PLA2G6: variants seen among roughly 807,000 people sequenced by gnomAD.
The protein encoded by PLA2G6 is phospholipase A2 group VI, also known as 85/88 kDa calcium-independent phospholipase A2.
A neutral mutation model predicts 83.8 loss-of-function variants in PLA2G6; 62 were observed. The observed-to-expected ratio is 0.74, with a 90% confidence interval of 0.60 to 0.91. The LOEUF is 0.91. Among genes scored for constraint, PLA2G6 ranks in the 40% least tolerant of loss-of-function variants. The pLI is 0.00. For synonymous variants in PLA2G6, 417 were observed against 449.8 expected (o/e 0.93, Z 0.92); for missense variants, 944 against 1,102.0 (o/e 0.86, Z 2.03).
Position 38,120,805 on chromosome 22 carries a change from G to T in PLA2G6, c.1696C>A (p.Arg566=). 2.5e-6 allele frequency: 4 copies of T among 1,613,868 alleles called. No individual in the cohort carries two copies. The highest frequency in any genetic ancestry group is 3.4e-6 in the Non-Finnish European group (4 of 1,180,022). The part of the protein sequence containing the change: ...ESGPLEEFLK[R]EFGEHTKMTD... ...ATCTTGGTGTGCTCCCCAAACTCCC[G>T]CTTCAGGAACTCCTCCAGGGGCCCC... The change falls in exon 12 of 17, where the codon CGG becomes AGG. Residue 566 remains arginine, a synonymous_variant. Transcript: ENST00000332509.
intron 4 of PLA2G6, chr22:38,142,137 G>C (rs939509053): frequency 7.3e-6 from 1 of 136,884 alleles, no homozygotes; most frequent in Non-Finnish European, 1.5e-5. Context: ...GGAGGTTGCA[G>C]TGAGCCGAGA....
rs1357166331 is a variant in PLA2G6, at chr22:38,120,978, C to CA, written c.1592-70dup. 5.7e-6 allele frequency: 9 copies of CA among 1,582,782 alleles called. No homozygotes were observed. In the East Asian group the frequency reaches 2.0e-4, roughly 35 times the overall value. On this transcript the variant is annotated intron_variant, in intron 11 of 16. Transcript: ENST00000332509. The stretch of plus-strand genomic sequence containing the variant: ...CGCAGGGCTCCCGTAGAACAGCCTG[C>CA]AGAGCGCCTGAACGCAGGAGGTGGC...
Position 38,145,659 on chromosome 22 carries a change from G to A in PLA2G6, c.210-6C>T, listed in dbSNP as rs1412198958. On this transcript the variant is annotated splice_region_variant and splice_polypyrimidine_tract_variant and intron_variant, in intron 2 of 16. Transcript: ENST00000332509. ...CCAACTCCAGCTGGAAGAGTCTGTA[G>A]AGCCAGGACAGAGGAGCAAGACCCG... 4 of 1,603,458 alleles carry A rather than the reference G, an allele frequency of 2.5e-6. No individual in the cohort carries two copies. Among genetic ancestry groups the A allele is most frequent in the African/African-American group, 1.3e-5 (1 of 74,688 alleles).
intron 2 of PLA2G6, among the ~76,000 whole-genome samples, chr22:38,157,002 T>C (rs1474088030): frequency 6.6e-6 from 1 of 152,152 alleles, no homozygotes; most frequent in Non-Finnish European, 1.5e-5. Context: ...AAGTTGTACC[T>C]ATAAGCACCT....
rs2145683127 is a variant in PLA2G6 at position 38,115,668 on chromosome 22, C to T, written c.1893G>A (p.Trp631Ter). The T allele has an allele frequency of 3.1e-6, 5 of 1,600,860 alleles. No individual in the cohort carries two copies. The highest frequency in any genetic ancestry group is 4.3e-6 in the Non-Finnish European group (5 of 1,174,938). Residue 631 changes from tryptophan (W) to a stop codon, truncating the protein, a stop_gained, in exon 14 of 17, where the codon TGG becomes TGA. Transcript: ENST00000332509. LOFTEE classifies it high-confidence loss of function. The part of the protein sequence containing the change: ...PPAQPSDQLV[W>*]RAARSSGAAP... ...CTGCCCCGCTGCTTCGGGCCGCCCG[C>T]CACACCAGCTGGTCTAGGGGCGGGG...
At chr22:38,141,750 T>A (rs576689523) in intron 4 of PLA2G6, 1 of 151,862 alleles carries the variant, frequency 6.6e-6, no homozygotes, top group Non-Finnish European at 1.5e-5. Flanking sequence ...CAGTCGTGCA[T>A]GACTATCGAG....
chr22:38,159,538 G>A (rs1437957052), intron 2 of PLA2G6, among the ~76,000 whole-genome samples: 2 of 152,094 alleles, frequency 1.3e-5, no homozygotes, highest in Non-Finnish European at 2.9e-5. Context: ...AGACCAGCCT[G>A]GGTAACTTGA....
rs2087998127 is a variant in PLA2G6, at chr22:38,128,361, T to C, written c.1256A>G (p.His419Arg). 3.7e-6 allele frequency: 6 copies of C among 1,613,462 alleles called. No homozygotes were observed. In the East Asian group the frequency reaches 1.3e-4, roughly 36 times the overall value. The change falls in exon 9 of 17, where the codon CAC (histidine) becomes CGC (arginine). Residue 419 changes from histidine (H) to arginine (R), a missense_variant. Physicochemically the swap from His to Arg is conservative, Grantham distance 29 (BLOSUM62 0). Transcript: ENST00000332509. This position sits in a 1 kb window ranked among gnomAD's most constrained non-coding sequence, Gnocchi z 4.4. ...AGAGCCCTGCTCCGCGGGGACCCCG[T>C]GGATGGGTGGGAAGCAGTATTCGGC... ...VGAEYCFPPI[H>R]GVPAEQGSAA...
In PLA2G6 at chr22:38,111,907, C is replaced by T; in HGVS notation, c.*254G>A. On this transcript the variant is annotated 3_prime_UTR_variant, in exon 17 of 17. Coordinates refer to ENST00000332509, the MANE Select transcript of PLA2G6 (RefSeq NM_003560.4). ...TGATGGGGGAGTCAGTTGTCCTTGACAGTCAGGGAAAGGGGCCAAAGGGGG... is the reference window on the plus strand; with the variant it reads ...TGATGGGGGAGTCAGTTGTCCTTGATAGTCAGGGAAAGGGGCCAAAGGGGG... The T allele has an allele frequency of 3.6e-6, 2 of 557,384 alleles. No homozygotes were observed. The highest frequency in any genetic ancestry group is 6.2e-5 in the East Asian group (2 of 32,358). 34.5% of individuals were successfully genotyped at this position (557,384 alleles called of 1,614,324 possible).
chr22:38,117,734 C>A (rs76575575), intron 12 of PLA2G6, among the ~76,000 whole-genome samples: 1 of 152,028 alleles, frequency 6.6e-6, no homozygotes, highest in Admixed American at 6.6e-5. Flanking sequence ...AACATGGATG[C>A]CAAGTGAAAT....
chr22:38,121,292 C>T (rs745782054), intron 11 of PLA2G6, among the ~76,000 whole-genome samples: 4 of 152,118 alleles, frequency 2.6e-5, no homozygotes, highest in Non-Finnish European at 4.4e-5. Context: ...GCAGGAGAAT[C>T]GCTTGAACCC....
rs2087143459 is a variant in PLA2G6 at position 38,115,653 on chromosome 22, G to C, written c.1908C>G (p.Ser636Arg). Residue 636 changes from serine (S) to arginine (R), a missense_variant, in exon 14 of 17, where the codon AGC becomes AGG. By Grantham distance (110) the Ser-to-Arg change is moderately radical. Coordinates refer to ENST00000332509, the MANE Select transcript of PLA2G6 (RefSeq NM_003560.4). The stretch of plus-strand genomic sequence containing the variant: ...GGAAGTAAGTAGGAGCTGCCCCGCT[G>C]CTTCGGGCCGCCCGCCACACCAGCT... ...SDQLVWRAAR[S>R]SGAAPTYFRP... The C allele has an allele frequency of 3.8e-6, 6 of 1,559,910 alleles. No individual in the cohort carries two copies. Among genetic ancestry groups the C allele is most frequent in the Non-Finnish European group, 5.2e-6 (6 of 1,155,146 alleles).
chr22:38,162,832 C>T (rs1602245991), intron 2 of PLA2G6, among the ~76,000 whole-genome samples: 2 of 152,146 alleles, frequency 1.3e-5, no homozygotes, highest in East Asian at 1.9e-4. Context: ...TCTCAGGAGG[C>T]TGCGGGGCAA....
At chr22:38,130,448 G>C (rs1370008454) in intron 7 of PLA2G6, 1 of 152,166 alleles carries the variant, frequency 6.6e-6, no homozygotes, top group African/African-American at 2.4e-5. Flanking sequence ...CTCCAGAGTA[G>C]CTGGTATTAC....
chr22:38,132,206 C>T lies in PLA2G6; in HGVS notation c.1077+625G>A. 2.4e-6 allele frequency: 1 copy of T among 421,938 alleles called. No individual in the cohort carries two copies. Among genetic ancestry groups the T allele is most frequent in the Non-Finnish European group, 4.7e-6 (1 of 210,552 alleles). The allele number at this position is 421,938 out of a possible 1,614,324, so 26.1% of individuals were successfully genotyped here. A position where few individuals can be genotyped will look rare whatever the true frequency, so the allele number is the denominator to read the frequency against. ...ATATGTTCATACTCTAGATGTGTAA[C>T]CAGACAGTAAGGGCTTTGAGGGCAG... is the stretch of plus-strand genomic sequence containing the variant. On this transcript the variant is annotated intron_variant, in intron 7 of 16. Transcript: ENST00000332509. The surrounding 1 kb of genome is among the most constrained non-coding windows in gnomAD (Gnocchi z 5.0).
rs773091386 is a variant in PLA2G6 at position 38,129,583 on chromosome 22, A to G, written c.1078-21T>C. 2.5e-6 allele frequency: 4 copies of G among 1,577,362 alleles called. No individual in the cohort carries two copies. The East Asian group carries it at 9.0e-5, about 35-fold the overall frequency. ...TCTTTCTGTTGGAGATGGAGAGAGG[A>G]TAAGACGTGCAACTGCCGGGGAAGT... On this transcript the variant is annotated intron_variant, in intron 7 of 16. Coordinates refer to ENST00000332509, the MANE Select transcript of PLA2G6 (RefSeq NM_003560.4).
intron 1 of PLA2G6, among the ~76,000 whole-genome samples, chr22:38,172,255 C>T (rs1053749519): frequency 2.6e-5 from 4 of 152,190 alleles, no homozygotes; most frequent in Admixed American, 6.5e-5. Context: ...GGTAAAGTCA[C>T]GGGCCCAGGG....
chr22:38,143,642 C>T (rs2089057239), intron 3 of PLA2G6: 2 of 399,704 alleles, frequency 5.0e-6, no homozygotes, highest in South Asian at 2.1e-5. Context: ...CTTATCGACA[C>T]AAGCTGCTGT....
At chr22:38,163,070 T>G (rs1419855262) in intron 2 of PLA2G6, among the ~76,000 whole-genome samples, 1 of 152,104 alleles carries the variant, frequency 6.6e-6, no homozygotes, top group Non-Finnish European at 1.5e-5. Context: ...CTCTTGAAAG[T>G]GGCTGTGTGA....
Sources: gnomAD v4.1 joint callset for allele counts (sites outside exome capture counted in the v4.1 genomes callset) on GRCh38, gnomAD v4.1.1 for gene constraint, Gnocchi (gnomAD v3.1) non-coding constraint, MANE v1.5 for transcripts, NCBI Gene and HGNC (gene_info 2026-07-23, HGNC 2026-07-21) for gene names.